FRMD3: variants seen among roughly 807,000 people sequenced by gnomAD.
FRMD3 encodes FERM domain-containing protein 3.
A neutral mutation model predicts 70.2 loss-of-function variants in FRMD3; 33 were observed. The ratio of observed to expected loss-of-function variants is 0.47; its 90% CI spans 0.36 to 0.63. The LOEUF (loss-of-function observed/expected upper bound fraction) is 0.63. FRMD3 is among the 20% of genes least tolerant of loss of function. FRMD3 has a pLI of 0.00. For missense variants in FRMD3, 632 were observed against 711.4 expected, an observed-to-expected ratio of 0.89 and a Z score of 1.27; for synonymous variants, 279 against 255.9, an observed-to-expected ratio of 1.09 and a Z score of -0.86.
At chr9:83,313,633 T>G (rs199779386) in intron 7 of FRMD3, 27 bp downstream of exon 7, 2 of 1,563,518 alleles carry the variant, frequency 1.3e-6, no homozygotes, top group African/African-American at 2.7e-5. Flanking sequence ...AACCATTATA[T>G]GGTGACCTGC....
intron 1 of FRMD3, among the ~76,000 whole-genome samples, chr9:83,501,903 G>A (rs1224593693): frequency 6.6e-6 from 1 of 152,178 alleles, no homozygotes; most frequent in Non-Finnish European, 1.5e-5. Context: ...TCTTTTCTCT[G>A]CAATGCATTT....
At chr9:83,297,830 C>T (rs150240443) in intron 12 of FRMD3, 255 of 471,740 alleles carry the variant, frequency 5.4e-4, no homozygotes, top group African/African-American at 4.6e-3. Flanking sequence ...CATGGGATAT[C>T]ATGCCAACTG....
At chr9:83,372,990 G>C (rs755334728) in intron 2 of FRMD3, 35 bp from the exon 3 acceptor site, 2 of 1,579,426 alleles carry the variant, frequency 1.3e-6, no homozygotes, top group South Asian at 2.2e-5. Context: ...GAGATCAGGG[G>C]TCAAATTGCT....
Position 83,499,026 on chromosome 9 carries a change from G to A in FRMD3, c.147+39059C>T, listed in dbSNP as rs569525827. Among the ~76,000 whole-genome samples the A allele has an allele frequency of 2.0e-5, 3 of 152,062 alleles. 1 individual carries two copies. The highest frequency in any genetic ancestry group is 7.2e-5 in the African/African-American group (3 of 41,394). ...GCAATATCCTTGTATTGGGTCCTTG[G>A]GTTTTGTCACCAAGATGCAAAAATC... On this transcript the variant is annotated intron_variant, in intron 1 of 13. Transcript: ENST00000304195.
intron 1 of FRMD3, among the ~76,000 whole-genome samples, chr9:83,464,883 G>A (rs1433495754): frequency 1.3e-5 from 2 of 151,862 alleles, no homozygotes; most frequent in African/African-American, 4.8e-5. Flanking sequence ...AGCCAGGCTT[G>A]GTGGTGTGCA....
At chr9:83,457,143 AC>A (rs1827842036) in intron 1 of FRMD3, among the ~76,000 whole-genome samples, 2 of 152,264 alleles carry the variant, frequency 1.3e-5, no homozygotes, top group Admixed American at 6.5e-5. Context: ...ATATCTACTT[AC>A]AATATTGCCC....
chr9:83,390,059 T>C (rs536430919), intron 1 of FRMD3, among the ~76,000 whole-genome samples: 4 of 152,232 alleles, frequency 2.6e-5, no homozygotes, highest in Admixed American at 1.3e-4. Flanking sequence ...ATTTGGAAAC[T>C]CTCATGTAAC....
rs1832204698 is a variant in FRMD3, at chr9:83,248,135, T to C, written c.1577A>G (p.Lys526Arg). The C allele has an allele frequency of 6.2e-7, 1 of 1,614,208 alleles. No individual in the cohort carries two copies. Among genetic ancestry groups the C allele is most frequent in the East Asian group, 2.2e-5 (1 of 44,880 alleles). Residue 526 changes from lysine to arginine, a missense_variant, in exon 14 of 14, where the codon AAG (lysine) becomes AGG (arginine). Physicochemically the swap from Lys to Arg is conservative, Grantham distance 26. This residue lies in a region of FRMD3 where 418 missense variants were observed against 442.1 expected (regional missense o/e 0.95). Coordinates refer to ENST00000304195, the MANE Select transcript of FRMD3 (RefSeq NM_174938.6). Reference protein sequence around the residue: ...TGHIRVNPLVKSFSRLLVVGL... With the variant: ...TGHIRVNPLVRSFSRLLVVGL... ...CACCACAAGGAGCCTGGAAAAACTC[T>C]TGACCAGTGGGTTCACCCGAATATG...
intron 1 of FRMD3, among the ~76,000 whole-genome samples, chr9:83,522,250 G>A (rs943583257): frequency 3.9e-5 from 6 of 152,108 alleles, no homozygotes; most frequent in African/African-American, 1.4e-4. Context: ...AGGTGATTAC[G>A]GTTGCACAAC....
chr9:83,391,942 C>A, intron 1 of FRMD3, among the ~76,000 whole-genome samples: 1 of 152,184 alleles, frequency 6.6e-6, no homozygotes, highest in Admixed American at 6.5e-5. Flanking sequence ...TCTAGCCCTG[C>A]TGCACCTGGT....
At chr9:83,369,927 T>A (rs1180285504) in intron 3 of FRMD3, among the ~76,000 whole-genome samples, 1 of 152,196 alleles carries the variant, frequency 6.6e-6, no homozygotes, top group Non-Finnish European at 1.5e-5. Context: ...CTTTCTAAAC[T>A]GAGAAAACAC....
chr9:83,500,091 C>T (rs1052662707), intron 1 of FRMD3, among the ~76,000 whole-genome samples: 2 of 151,800 alleles, frequency 1.3e-5, no homozygotes, highest in Admixed American at 1.3e-4. Context: ...TGGAGAAGAA[C>T]GGAGGGATGA....
intron 13 of FRMD3, chr9:83,266,982 C>G: frequency 1.9e-6 from 3 of 1,546,938 alleles, no homozygotes; most frequent in Admixed American, 3.9e-5. Context: ...ACTTCAGGAA[C>G]AGGATGACAG....
At position 83,457,909 on chromosome 9, in the gene FRMD3, T is replaced by A. The variant is rs577395696; in HGVS notation, c.148-68201A>T. On this transcript the variant is annotated intron_variant, in intron 1 of 13. Transcript: ENST00000304195. ...TCACATTGTACACTTCAAACATATATAATTGTTATTCCTCAAGTATACCTC... is the reference window on the plus strand; with the variant it reads ...TCACATTGTACACTTCAAACATATAAAATTGTTATTCCTCAAGTATACCTC... Among the ~76,000 whole-genome samples, 72 of 148,470 alleles carry A rather than the reference T, an allele frequency of 4.8e-4. 2 individuals carry two copies. In the Middle Eastern group the frequency reaches 0.011, roughly 22 times the overall value.
At chr9:83,291,293 T>C (rs751642372) in intron 12 of FRMD3, among the ~76,000 whole-genome samples, 3 of 152,218 alleles carry the variant, frequency 2.0e-5, no homozygotes, top group Non-Finnish European at 2.9e-5. Context: ...GAAAGGAGCA[T>C]GCAGGTGTGT....
intron 1 of FRMD3, among the ~76,000 whole-genome samples, chr9:83,507,983 G>T (rs1269397009): frequency 6.6e-6 from 1 of 151,848 alleles, no homozygotes; most frequent in Non-Finnish European, 1.5e-5. Flanking sequence ...TTAACACCAG[G>T]TGAGTAACAC....
chr9:83,489,495 CAT>C (rs775285416), intron 1 of FRMD3, among the ~76,000 whole-genome samples: 14 of 152,228 alleles, frequency 9.2e-5, no homozygotes, highest in South Asian at 6.2e-4. Flanking sequence ...AACCGACAAA[CAT>C]GTGAAAAAAT....
At chr9:83,551,898 AT>A in the FRMD3 span, among the ~76,000 whole-genome samples, 1 of 143,666 alleles carries the variant, frequency 7.0e-6, no homozygotes, top group Non-Finnish European at 1.5e-5. Flanking sequence ...GGCCTATTTC[AT>A]TGATTTTTTT....
intron 1 of FRMD3, among the ~76,000 whole-genome samples, chr9:83,494,599 T>C (rs749981677): frequency 1.3e-5 from 2 of 152,210 alleles, no homozygotes; most frequent in Non-Finnish European, 2.9e-5. Context: ...CCTTTTAGAA[T>C]GTTTTAAAAT....
Sources: gnomAD v4.1 joint callset for allele counts (sites outside exome capture counted in the v4.1 genomes callset) on GRCh38, gnomAD v4.1.1 for gene constraint, gnomAD v4.1.1 regional missense constraint, MANE v1.5 for transcripts, NCBI Gene and HGNC (gene_info 2026-07-23, HGNC 2026-07-21) for gene names.